The following PAG1 variants were observed in gnomAD, a reference collection of about 807,000 sequenced individuals.
PAG1 encodes the protein phosphoprotein membrane anchor with glycosphingolipid microdomains 1.
In PAG1, 23 loss-of-function variants were observed where a neutral mutation model predicts 31.7. The observed-to-expected ratio is 0.73, with a 90% CI of 0.52 to 1.03. The LOEUF (loss-of-function observed/expected upper bound fraction) is 1.03, where lower values mean the gene tolerates loss of function less well. Ranked by LOEUF, PAG1 falls within the 50% of genes least tolerant of loss-of-function variation. The probability of loss-of-function intolerance (pLI) is 0.00; values close to 1 mark genes in which losing one functional copy is unlikely to be tolerated. For missense variants in PAG1, 473 were observed against 540.7 expected (o/e 0.87, Z 1.24); for synonymous variants, 214 against 210.3 (o/e 1.02, Z -0.15).
At chr8:81,086,068 G>C (rs188741082) in intron 1 of PAG1, among the ~76,000 whole-genome samples, 8,933 of 124,686 alleles carry the variant, frequency 0.072, 954 homozygotes, top group African/African-American at 0.25. Flanking sequence ...TGCAAGCTCC[G>C]CCTCCCGGGT....
At chr8:81,055,075 C>CTTTTTTTTTTTTTTTT (rs773535023) in intron 2 of PAG1, among the ~76,000 whole-genome samples, 1 of 138,926 alleles carries the variant, frequency 7.2e-6, no homozygotes, top group Non-Finnish European at 1.6e-5. Flanking sequence ...CTTTTTTTTT[C>CTTTTTTTTTTTTTTTT]TTTTTTTTTT....
In PAG1 at chr8:81,082,253, AAAAAAAAAAAAAAAAAAAAAGAAAAG is replaced by A. The variant is rs1179794429; in HGVS notation, c.-233-12109_-233-12084del. 1.7e-4 allele frequency among the ~76,000 whole-genome samples: 19 copies of A among 113,532 alleles called. No homozygotes were observed. In the South Asian group the frequency reaches 3.7e-3, roughly 22 times the overall value. 74.5% of individuals were successfully genotyped at this position (113,532 alleles called of 152,430 possible). A position where few individuals can be genotyped will look rare whatever the true frequency, so the allele number is the denominator to read the frequency against. Reference sequence around the variant, plus strand: ...GGGCAACAGAGTGAGACTCTGTCTCAAAAAAAAAAAAAAAAAAAAAGAAAAGAAAAAAAAATCCTGAAATTAATTAC... The same window carrying A: ...GGGCAACAGAGTGAGACTCTGTCTCAAAAAAAAAATCCTGAAATTAATTAC... On this transcript the variant is annotated intron_variant, in intron 1 of 8. Transcript: ENST00000220597.
rs1394217650 is a variant in PAG1 at position 80,975,693 on chromosome 8, A to C, written c.*851T>G. 6.6e-6 allele frequency: 1 copy of C among 152,154 alleles called. No homozygotes were observed. The highest frequency in any genetic ancestry group is 2.4e-5 in the African/African-American group (1 of 41,428). 9.4% of individuals were successfully genotyped at this position (152,154 alleles called of 1,614,324 possible). A position where few individuals can be genotyped will look rare whatever the true frequency, so the allele number is the denominator to read the frequency against. On this transcript the variant is annotated 3_prime_UTR_variant, in exon 9 of 9. Transcript: ENST00000220597. The stretch of plus-strand genomic sequence containing the variant: ...TAAGGCTCTCTGTTTTGAAGGAATG[A>C]GTTCTGGGCTTAAACAAGTCTAGAA...
chr8:80,975,274 G>C lies in PAG1; in HGVS notation c.*1270C>G, dbSNP rs1489685622. 3 of 152,012 alleles carry C rather than the reference G, an allele frequency of 2.0e-5. No homozygotes were observed. The highest frequency in any genetic ancestry group is 4.4e-5 in the Non-Finnish European group (3 of 68,012). The allele number at this position is 152,012 out of a possible 1,614,324, so 9.4% of individuals were successfully genotyped here. A position where few individuals can be genotyped will look rare whatever the true frequency, so the allele number is the denominator to read the frequency against. On this transcript the variant is annotated 3_prime_UTR_variant, in exon 9 of 9. Transcript: ENST00000220597. Reference sequence around the variant, plus strand: ...AGGAGCTCCAAGTACCATTTAAAAAGGTGAGTCTTTAAAAACCATCAGTGT... The same window carrying C: ...AGGAGCTCCAAGTACCATTTAAAAACGTGAGTCTTTAAAAACCATCAGTGT...
At chr8:81,068,266 G>T (rs915478268) in intron 2 of PAG1, among the ~76,000 whole-genome samples, 1 of 152,144 alleles carries the variant, frequency 6.6e-6, no homozygotes, top group African/African-American at 2.4e-5. Flanking sequence ...CAAGGCACAG[G>T]CACATTGGAA....
intron 1 of PAG1, among the ~76,000 whole-genome samples, chr8:81,093,202 C>A (rs1382657072): frequency 2.0e-5 from 3 of 152,176 alleles, no homozygotes; most frequent in African/African-American, 7.2e-5. Flanking sequence ...GAATCTGCCC[C>A]AGGTAAGGCA....
At chr8:80,991,719 T>C (rs1416118697) in intron 4 of PAG1, among the ~76,000 whole-genome samples, 189 bp from the exon 5 acceptor site, 2 of 150,372 alleles carry the variant, frequency 1.3e-5, no homozygotes, top group African/African-American at 4.9e-5. Context: ...GGAAGAGGAG[T>C]TCAAGCCTCA....
chr8:81,091,075 T>C (rs1042113126), intron 1 of PAG1, among the ~76,000 whole-genome samples: 1 of 152,212 alleles, frequency 6.6e-6, no homozygotes, highest in Non-Finnish European at 1.5e-5. Flanking sequence ...GGCCGAAGGA[T>C]TTGAAATCAA....
At chr8:81,084,705 ATT>A (rs1221558088) in intron 1 of PAG1, among the ~76,000 whole-genome samples, 4 of 152,184 alleles carry the variant, frequency 2.6e-5, no homozygotes, top group Non-Finnish European at 4.4e-5. Flanking sequence ...TTATATTTAT[ATT>A]ATCTCAAAAA....
At chr8:81,091,511 G>T (rs1057046032) in intron 1 of PAG1, among the ~76,000 whole-genome samples, 3 of 152,068 alleles carry the variant, frequency 2.0e-5, no homozygotes, top group Non-Finnish European at 4.4e-5. Context: ...GCTATATGGG[G>T]TAGCCTATTG....
chr8:81,081,297 T>C lies in PAG1; in HGVS notation c.-233-11127A>G, dbSNP rs115938474. Among the ~76,000 whole-genome samples the C allele has an allele frequency of 7.7e-3, 1,165 of 152,226 alleles. 17 individuals carry two copies. Among genetic ancestry groups the C allele is most frequent in the African/African-American group, 0.027 (1,105 of 41,550 alleles). On this transcript the variant is annotated intron_variant, in intron 1 of 8. Transcript: ENST00000220597. ...CATGCAAAGTTCTTTATATATGATA[T>C]AGCATTGTGTTTTCAAATTGATGTA...
rs2130422398 is a variant in PAG1, at chr8:80,984,936, C to T, written c.716G>A (p.Ser239Asn). 1 of 1,614,194 alleles carries T rather than the reference C, an allele frequency of 6.2e-7. No homozygotes were observed. The highest frequency in any genetic ancestry group is 8.5e-7 in the Non-Finnish European group (1 of 1,180,032). ...SVDRNKKCRQ[S>N]VNVESILGNS... ...TCCAAGGATACTCTCTACATTAACA[C>T]TTTGACGACATTTTTTGTTTCTGTC... The change falls in exon 7 of 9, where the codon AGT (serine) becomes AAT (asparagine). Residue 239 changes from serine to asparagine, a missense_variant. Coordinates refer to ENST00000220597, the MANE Select transcript of PAG1 (RefSeq NM_018440.4).
At chr8:81,061,107 A>G (rs974927737) in intron 2 of PAG1, among the ~76,000 whole-genome samples, 1 of 152,258 alleles carries the variant, frequency 6.6e-6, no homozygotes, top group Non-Finnish European at 1.5e-5. Context: ...CTATTCCCAG[A>G]CATAACAAGA....
At chr8:81,079,682 C>T (rs1809233519) in intron 1 of PAG1, among the ~76,000 whole-genome samples, 1 of 151,880 alleles carries the variant, frequency 6.6e-6, no homozygotes, top group African/African-American at 2.4e-5. Flanking sequence ...GAAAATACTT[C>T]AGTAGAAAGC....
chr8:81,044,314 T>C (rs1165653442), intron 2 of PAG1, among the ~76,000 whole-genome samples: 1 of 152,146 alleles, frequency 6.6e-6, no homozygotes, highest in Non-Finnish European at 1.5e-5. Context: ...CCATTAGGAT[T>C]GATGTCCTTA....
chr8:80,985,209 G>A lies in PAG1; in HGVS notation c.443C>T (p.Ala148Val), dbSNP rs757186553. The change falls in exon 7 of 9, where the codon GCG becomes GTG. Residue 148 changes from alanine (A) to valine (V), a missense_variant. Coordinates refer to ENST00000220597, the MANE Select transcript of PAG1 (RefSeq NM_018440.4). ...CCCCTGGTCCCCGTCCACACTTCTC[G>A]CCGTGAGCATGGTATCCACTGCGCT... The part of the protein sequence containing the change: ...PESAVDTMLT[A>V]RSVDGDQGLG... The A allele has an allele frequency of 1.2e-5, 19 of 1,613,894 alleles. No individual in the cohort carries two copies. Among genetic ancestry groups the A allele is most frequent in the South Asian group, 7.7e-5 (7 of 91,066 alleles).
intron 3 of PAG1, among the ~76,000 whole-genome samples, chr8:81,013,082 T>C (rs1374428353): frequency 6.6e-6 from 1 of 152,190 alleles, no homozygotes; most frequent in African/African-American, 2.4e-5. Context: ...TTATCATCCA[T>C]ATGCCAACTT....
At chr8:81,080,962 C>G (rs1202019335) in intron 1 of PAG1, among the ~76,000 whole-genome samples, 1 of 152,018 alleles carries the variant, frequency 6.6e-6, no homozygotes, top group Non-Finnish European at 1.5e-5. Context: ...ATACTAATAG[C>G]CTATGCAGAT....
At chr8:80,999,064 C>T (rs943677752) in intron 3 of PAG1, among the ~76,000 whole-genome samples, 5 of 152,218 alleles carry the variant, frequency 3.3e-5, no homozygotes, top group African/African-American at 1.2e-4. Context: ...CTGACAGCTG[C>T]ACAGGCTAAG....
Sources: gnomAD v4.1 joint callset for allele counts (sites outside exome capture counted in the v4.1 genomes callset) on GRCh38, gnomAD v4.1.1 for gene constraint, MANE v1.5 for transcripts, NCBI Gene and HGNC (gene_info 2026-07-23, HGNC 2026-07-21) for gene names.